Variants in EML6 observed in about 807,000 individuals in gnomAD.
EML6 encodes the protein EMAP like 6.
A neutral mutation model predicts 240.1 loss-of-function variants in EML6; 154 were observed. That is an observed-to-expected ratio of 0.64 (90% CI 0.56 to 0.73). The LOEUF is 0.73. Ranked by LOEUF, EML6 falls within the 30% of genes least tolerant of loss-of-function variation. EML6 has a pLI of 0.00. For missense variants in EML6, 2,964 were observed against 2,474.6 expected (o/e 1.20, Z -4.20); for synonymous variants, 1,148 against 899.0 (o/e 1.28, Z -4.95).
At chr2:54,821,454 C>G (rs1378995888) in intron 5 of EML6, among the ~76,000 whole-genome samples, 1 of 152,132 alleles carries the variant, frequency 6.6e-6, no homozygotes. Context: ...ACAAATGTAT[C>G]ATTTATCTCC....
chr2:54,861,044 A>AT (rs894506522), intron 12 of EML6, among the ~76,000 whole-genome samples: 6 of 151,882 alleles, frequency 4.0e-5, no homozygotes, highest in Non-Finnish European at 8.8e-5. Context: ...TGCAGCTCCC[A>AT]TTTTTTTTCT....
chr2:54,879,842 A>C lies in EML6; in HGVS notation c.2438+202A>C. ...CAGGTCATGTTTGTTGCGGTGAATCAGAAAATTCCGAAATCCTCTGCAGAG... is the reference window on the plus strand; with the variant it reads ...CAGGTCATGTTTGTTGCGGTGAATCCGAAAATTCCGAAATCCTCTGCAGAG... On this transcript the variant is annotated intron_variant, in intron 17 of 41. Transcript: ENST00000356458. The C allele has an allele frequency of 3.5e-6, 2 of 565,714 alleles. 1 individual carries two copies. Among genetic ancestry groups the C allele is most frequent in the Middle Eastern group, 8.1e-4 (2 of 2,478 alleles). 35.0% of individuals were successfully genotyped at this position (565,714 alleles called of 1,614,324 possible). A position where few individuals can be genotyped will look rare whatever the true frequency, so the allele number is the denominator to read the frequency against.
intron 2 of EML6, among the ~76,000 whole-genome samples, chr2:54,781,318 T>C (rs1668846507): frequency 1.3e-5 from 2 of 152,204 alleles, no homozygotes; most frequent in East Asian, 3.8e-4. Context: ...GAGACCCTTC[T>C]GTGGCCAATA....
rs565446168 is a variant in EML6, at chr2:54,962,567, T to C, written c.5013T>C (p.Val1671=). 1.5e-5 allele frequency: 23 copies of C among 1,548,812 alleles called. No homozygotes were observed. In the Admixed American group the frequency reaches 3.6e-4, roughly 24 times the overall value. ...CCAAAGACGGAGAAATAATTGAAGT[T>C]GGTGAAAAAAATGCTGCTTCTAACA... ...VGTKDGEIIE[V]GEKNAASNIL... is the part of the protein sequence containing the mutation. The change falls in exon 36 of 42, where the codon GTT becomes GTC. Residue 1671 remains valine (V), a synonymous_variant. Transcript: ENST00000356458.
chr2:54,800,467 C>T (rs553136694), intron 2 of EML6, among the ~76,000 whole-genome samples: 1 of 152,176 alleles, frequency 6.6e-6, no homozygotes, highest in East Asian at 1.9e-4. Flanking sequence ...AATATAAGGA[C>T]TCTTAAGCAT....
intron 13 of EML6, among the ~76,000 whole-genome samples, chr2:54,864,416 G>A (rs1342300357): frequency 6.6e-6 from 1 of 152,192 alleles, no homozygotes; most frequent in Non-Finnish European, 1.5e-5. Context: ...ATTACCTCTA[G>A]TAGGAAAGCT....
At chr2:54,860,958 T>C (rs1359666803) in intron 12 of EML6, among the ~76,000 whole-genome samples, 1 of 152,186 alleles carries the variant, frequency 6.6e-6, no homozygotes, top group East Asian at 1.9e-4. Context: ...AGAACAGAGA[T>C]GTGGTCTTAA....
intron 13 of EML6, 33 bp downstream of exon 13, chr2:54,863,922 C>A: frequency 1.7e-6 from 2 of 1,170,506 alleles, no homozygotes; most frequent in Non-Finnish European, 2.5e-6. Context: ...AAATTTGTAA[C>A]CCCAGAAGGG....
chr2:54,923,367 G>GCACACACACACACACACA lies in EML6; in HGVS notation c.3676-4925_3676-4908dup, dbSNP rs113101367. Among the ~76,000 whole-genome samples the GCACACACACACACACACA allele has an allele frequency of 5.4e-3, 778 of 144,426 alleles. 10 individuals are homozygous for GCACACACACACACACACA. Among genetic ancestry groups the GCACACACACACACACACA allele is most frequent in the African/African-American group, 7.7e-3 (302 of 38,988 alleles). The allele number at this position is 144,426 out of a possible 152,430, so 94.7% of individuals were successfully genotyped here. A position where few individuals can be genotyped will look rare whatever the true frequency, so the allele number is the denominator to read the frequency against. Reference sequence around the variant, plus strand: ...TAGATCCTAAGTGTCCTCACCAAACGCACACACACACACACACACACACAC... The same window carrying GCACACACACACACACACA: ...TAGATCCTAAGTGTCCTCACCAAACGCACACACACACACACACACACACACACACACACACACACACAC... On this transcript the variant is annotated intron_variant, in intron 26 of 41. Transcript: ENST00000356458.
intron 21 of EML6, among the ~76,000 whole-genome samples, chr2:54,895,904 T>C (rs1672737556): frequency 1.3e-5 from 2 of 151,984 alleles, no homozygotes; most frequent in African/African-American, 4.8e-5. Flanking sequence ...GGGAAAAAAA[T>C]AGATACTACA....
At chr2:54,893,125 T>A (rs1672564905) in intron 19 of EML6, among the ~76,000 whole-genome samples, 1 of 151,990 alleles carries the variant, frequency 6.6e-6, no homozygotes, top group African/African-American at 2.4e-5. Flanking sequence ...TTAACAAGAG[T>A]GTTAGAGTGA....
At position 54,911,061 on chromosome 2, in the gene EML6, G is replaced by T. The variant is rs753760229; in HGVS notation, c.3498+19G>T. On this transcript the variant is annotated intron_variant, in intron 25 of 41. Coordinates refer to ENST00000356458, the MANE Select transcript of EML6 (RefSeq NM_001039753.4). ...TTCAGAGGTAATAATCATACACAAAGATTTTTAAAGATATTTTGTGAAGAT... is the reference window on the plus strand; with the variant it reads ...TTCAGAGGTAATAATCATACACAAATATTTTTAAAGATATTTTGTGAAGAT... 1 of 1,250,806 alleles carries T rather than the reference G, an allele frequency of 8.0e-7. No homozygotes were observed. Among genetic ancestry groups the T allele is most frequent in the Non-Finnish European group, 1.1e-6 (1 of 889,000 alleles). The allele number at this position is 1,250,806 out of a possible 1,614,324, so 77.5% of individuals were successfully genotyped here.
intron 2 of EML6, among the ~76,000 whole-genome samples, chr2:54,764,767 A>G (rs1382408714): frequency 1.3e-5 from 2 of 152,234 alleles, no homozygotes; most frequent in Non-Finnish European, 2.9e-5. Context: ...ATGGGGCAGC[A>G]AAAGGCCATG....
intron 2 of EML6, among the ~76,000 whole-genome samples, chr2:54,782,571 T>C (rs1003250725): frequency 6.6e-6 from 1 of 152,226 alleles, no homozygotes; most frequent in Non-Finnish European, 1.5e-5. Context: ...TGTTACTTTG[T>C]TCTTGTATGA....
chr2:54,925,969 G>C (rs1374586516), intron 26 of EML6, among the ~76,000 whole-genome samples: 1 of 152,184 alleles, frequency 6.6e-6, no homozygotes. Context: ...ATTCTTCAGA[G>C]AGAAACTTTG....
chr2:54,876,783 A>G (rs557960195), intron 16 of EML6, among the ~76,000 whole-genome samples: 1 of 152,308 alleles, frequency 6.6e-6, no homozygotes, highest in East Asian at 1.9e-4. Flanking sequence ...TGTAAGGATC[A>G]AATCAGAGTA....
intron 2 of EML6, among the ~76,000 whole-genome samples, chr2:54,726,366 C>G (rs1682907690): frequency 6.6e-6 from 1 of 152,190 alleles, no homozygotes; most frequent in African/African-American, 2.4e-5. Flanking sequence ...TGTCCATGCT[C>G]CTAATTTCTC....
chr2:54,946,440 C>T (rs1246789813), intron 28 of EML6, among the ~76,000 whole-genome samples: 4 of 152,184 alleles, frequency 2.6e-5, no homozygotes, highest in African/African-American at 9.7e-5. Context: ...CATGCCTCCA[C>T]TCCTTCCCAC....
chr2:54,896,061 G>T (rs1672746960), intron 21 of EML6, among the ~76,000 whole-genome samples: 1 of 152,190 alleles, frequency 6.6e-6, no homozygotes, highest in African/African-American at 2.4e-5. Context: ...CACAAGAGGA[G>T]TATGAGGGTC....
Sources: allele counts gnomAD v4.1 joint callset (sites outside exome capture counted in the v4.1 genomes callset), GRCh38; gene constraint gnomAD v4.1.1; transcripts MANE v1.5; gene names NCBI Gene and HGNC (gene_info 2026-07-23, HGNC 2026-07-21).